SELENOO: variants seen among roughly 807,000 people sequenced by gnomAD.
SELENOO encodes protein adenylyltransferase SelO, mitochondrial.
Under a neutral mutation model 58.7 loss-of-function variants are expected in SELENOO, and 74 were observed. The ratio of observed to expected loss-of-function variants is 1.26; its 90% CI spans 1.04 to 1.53. The LOEUF is 1.53. Ranked by LOEUF, SELENOO falls within the 40% of genes most tolerant of loss-of-function variation. The pLI is 0.00. For synonymous variants in SELENOO, 543 were observed against 453.2 expected (o/e 1.20, Z -2.52); for missense variants, 1,149 against 970.0 (o/e 1.18, Z -2.45).
At chr22:50,203,396 T>C (rs887752744) in intron 1 of SELENOO, among the ~76,000 whole-genome samples, 1 of 152,138 alleles carries the variant, frequency 6.6e-6, no homozygotes, top group African/African-American at 2.4e-5. Context: ...ACAATTCATA[T>C]GGAATCTCAA....
At chr22:50,213,065 G>GT (rs776050419) in intron 5 of SELENOO, among the ~76,000 whole-genome samples, 3 of 152,096 alleles carry the variant, frequency 2.0e-5, no homozygotes, top group East Asian at 1.9e-4. Context: ...TATGTTGTGG[G>GT]TTTTTTTGGT....
chr22:50,215,664 G>A (rs529030752), intron 5 of SELENOO, 53 bp from the exon 6 acceptor site: 1 of 1,481,408 alleles, frequency 6.8e-7, no homozygotes, highest in East Asian at 2.3e-5. Flanking sequence ...GTGGCACCAG[G>A]ACAGGGACCC....
intron 2 of SELENOO, among the ~76,000 whole-genome samples, chr22:50,207,024 G>A (rs998561518): frequency 6.6e-5 from 10 of 152,216 alleles, no homozygotes; most frequent in South Asian, 2.1e-4. Context: ...CAAGCTGTGC[G>A]CGGTGTCCTG....
At chr22:50,206,180 C>A in intron 1 of SELENOO, 137 bp from the exon 2 acceptor site, 2 of 699,266 alleles carry the variant, frequency 2.9e-6, no homozygotes, top group Non-Finnish European at 4.9e-6. Flanking sequence ...CCTGATGTCA[C>A]CTGGGACGGG....
intron 1 of SELENOO, among the ~76,000 whole-genome samples, chr22:50,202,657 T>A (rs914072673): frequency 1.3e-5 from 2 of 150,936 alleles, no homozygotes; most frequent in Admixed American, 1.3e-4. Flanking sequence ...AAAAAGACAA[T>A]TTTTTTTATG....
chr22:50,201,173 C>T lies in SELENOO; in HGVS notation c.137C>T (p.Ala46Val). ...ATGGAGCCCGCGCCTCGCTGGCTGG[C>T]GGGGCTGCGCTTCGACAACCGCGCC... Reference protein sequence around the residue: ...AAMEPAPRWLAGLRFDNRALR... With the variant: ...AAMEPAPRWLVGLRFDNRALR... Residue 46 changes from alanine (A) to valine (V), a missense_variant, in exon 1 of 9, where the codon GCG (alanine) becomes GTG (valine). Ala to Val is a moderately conservative substitution (Grantham distance 64). Transcript: ENST00000380903. 2 of 1,238,224 alleles carry T rather than the reference C, an allele frequency of 1.6e-6. No homozygotes were observed. Among genetic ancestry groups the T allele is most frequent in the Non-Finnish European group, 2.0e-6 (2 of 990,050 alleles). 76.7% of individuals were successfully genotyped at this position (1,238,224 alleles called of 1,614,324 possible).
chr22:50,213,510 G>A (rs1176681791), intron 5 of SELENOO, among the ~76,000 whole-genome samples: 2 of 150,822 alleles, frequency 1.3e-5, no homozygotes, highest in African/African-American at 4.8e-5. Context: ...GCTGGGCAGA[G>A]CGTCCTGTAC....
In SELENOO at chr22:50,215,851, C is replaced by A. The variant is rs2064404869; in HGVS notation, c.1486C>A (p.Pro496Thr). The stretch of plus-strand genomic sequence containing the variant: ...GGAGGAGCTGAGGCTGGCCTTCCGG[C>A]CCCAGATGGATCCCCGGTGGGTACT... ...SLEELRLAFR[P>T]QMDPRQLSMM... The change falls in exon 6 of 9, where the codon CCC (proline) becomes ACC (threonine). Residue 496 changes from proline (P) to threonine (T), a missense_variant. Transcript: ENST00000380903. 6.2e-7 allele frequency: 1 copy of A among 1,608,990 alleles called. No homozygotes were observed. The highest frequency in any genetic ancestry group is 8.5e-7 in the Non-Finnish European group (1 of 1,176,596).
intron 6 of SELENOO, 57 bp from the exon 7 acceptor site, chr22:50,216,634 C>T (rs1221419123): frequency 2.0e-6 from 3 of 1,486,214 alleles, no homozygotes; most frequent in East Asian, 2.5e-5. Flanking sequence ...GAGCAGCTGC[C>T]TGCAGGGCAG....
rs998287286 is a variant in SELENOO at position 50,210,574 on chromosome 22, C to T, written c.1071-57C>T. 3.7e-6 allele frequency: 6 copies of T among 1,609,544 alleles called. No individual in the cohort carries two copies. In the African/African-American group the frequency reaches 8.0e-5, roughly 21 times the overall value. On this transcript the variant is annotated intron_variant, in intron 4 of 8. Coordinates refer to ENST00000380903, the MANE Select transcript of SELENOO (RefSeq NM_031454.2). Reference sequence around the variant, plus strand: ...GGGCCTCCCCTCCAGGGTGGCTGCACCATCTCCCGGGAACTTCCTCTCAGG... The same window carrying T: ...GGGCCTCCCCTCCAGGGTGGCTGCATCATCTCCCGGGAACTTCCTCTCAGG...
At chr22:50,206,237 C>A in intron 1 of SELENOO, 80 bp from the exon 2 acceptor site, 2 of 1,303,618 alleles carry the variant, frequency 1.5e-6, no homozygotes, top group Non-Finnish European at 1.1e-6. Flanking sequence ...GCGTTCCCTC[C>A]TTTCCATGTG....
At chr22:50,202,550 G>T (rs2064309522) in intron 1 of SELENOO, among the ~76,000 whole-genome samples, 1 of 152,050 alleles carries the variant, frequency 6.6e-6, no homozygotes, top group Admixed American at 6.6e-5. Flanking sequence ...CCTGGGGCCT[G>T]CTTGTCCTGT....
chr22:50,201,760 G>T (rs1404732354), intron 1 of SELENOO, among the ~76,000 whole-genome samples, 170 bp downstream of exon 1: 2 of 152,250 alleles, frequency 1.3e-5, no homozygotes, highest in South Asian at 2.1e-4. Context: ...TTATCAACCC[G>T]CCGAGGACCT....
At chr22:50,214,759 C>G (rs529580844) in intron 5 of SELENOO, among the ~76,000 whole-genome samples, 1 of 152,216 alleles carries the variant, frequency 6.6e-6, no homozygotes, top group African/African-American at 2.4e-5. Context: ...AGCAAGACTC[C>G]GTCTCAAAAA....
chr22:50,208,821 C>T, intron 3 of SELENOO, 105 bp downstream of exon 3: 1 of 1,103,832 alleles, frequency 9.1e-7, no homozygotes, highest in Admixed American at 2.2e-5. Flanking sequence ...TTTTACCCAG[C>T]CTCCCCGCCC....
At chr22:50,210,358 G>A in intron 4 of SELENOO, 47 bp downstream of exon 4, 1 of 1,589,192 alleles carries the variant, frequency 6.3e-7, no homozygotes, top group African/African-American at 1.4e-5. Flanking sequence ...AGGGCTGGGG[G>A]GTGCGGGCTG....
intron 2 of SELENOO, among the ~76,000 whole-genome samples, chr22:50,208,169 C>A (rs978205210): frequency 6.6e-6 from 1 of 152,162 alleles, no homozygotes; most frequent in Non-Finnish European, 1.5e-5. Context: ...CGGTGGCTCA[C>A]GCCTGTAATC....
At chr22:50,212,378 A>G (rs909347071) in intron 5 of SELENOO, among the ~76,000 whole-genome samples, 3 of 151,978 alleles carry the variant, frequency 2.0e-5, no homozygotes, top group Admixed American at 2.0e-4. Flanking sequence ...GTTTCCAGGA[A>G]TTTTCTGTGT....
intron 1 of SELENOO, chr22:50,205,530 A>C (rs1157658642): frequency 6.6e-6 from 1 of 152,248 alleles, no homozygotes; most frequent in African/African-American, 2.4e-5. Context: ...GTGCCACTGC[A>C]CTCCAGGCCA....
Sources: allele counts gnomAD v4.1 joint callset (sites outside exome capture counted in the v4.1 genomes callset), GRCh38; gene constraint gnomAD v4.1.1; transcripts MANE v1.5; gene names NCBI Gene and HGNC (gene_info 2026-07-23, HGNC 2026-07-21).